FAM53B: variants seen among roughly 807,000 people sequenced by gnomAD.
FAM53B encodes protein FAM53B.
FAM53B carries 12 observed loss-of-function variants against 32.7 expected under a neutral mutation model. The ratio of observed to expected loss-of-function variants is 0.37; its 90% CI spans 0.24 to 0.59. The LOEUF is 0.59. Ranked by LOEUF, FAM53B falls within the 20% of genes least tolerant of loss-of-function variation. The pLI is 0.72. For synonymous variants in FAM53B, 234 were observed against 228.7 expected (o/e 1.02, Z -0.21); for missense variants, 477 against 577.7 (o/e 0.83, Z 1.79).
chr10:124,703,193 C>T (rs1444461237), intron 2 of FAM53B, among the ~76,000 whole-genome samples: 5 of 152,092 alleles, frequency 3.3e-5, no homozygotes, highest in East Asian at 3.9e-4. Flanking sequence ...TACAGGCGCC[C>T]GCCTGCCACC....
chr10:124,740,169 G>A (rs1385780055), intron 1 of FAM53B, among the ~76,000 whole-genome samples: 4 of 152,106 alleles, frequency 2.6e-5, no homozygotes, highest in Admixed American at 6.6e-5. Flanking sequence ...GGATCTCAGA[G>A]AACTTTCTTA....
At chr10:124,667,642 C>T (rs1347850949) in intron 4 of FAM53B, among the ~76,000 whole-genome samples, 5 of 152,340 alleles carry the variant, frequency 3.3e-5, no homozygotes, top group Admixed American at 1.3e-4. Context: ...TCCCCATTCT[C>T]GCACTACAGC....
At chr10:124,723,444 T>C (rs536339662) in intron 1 of FAM53B, among the ~76,000 whole-genome samples, 7 of 152,326 alleles carry the variant, frequency 4.6e-5, no homozygotes, top group Admixed American at 2.0e-4. Context: ...GGTTCCACAG[T>C]AGCAGAGCAT....
chr10:124,691,553 C>T (rs1378633041), intron 3 of FAM53B, among the ~76,000 whole-genome samples: 1 of 152,132 alleles, frequency 6.6e-6, no homozygotes, highest in Non-Finnish European at 1.5e-5. Context: ...TTCCTAGTAG[C>T]CTTTTTAAAA....
intron 3 of FAM53B, among the ~76,000 whole-genome samples, chr10:124,695,160 A>G (rs914159029): frequency 1.2e-4 from 18 of 152,222 alleles, no homozygotes; most frequent in African/African-American, 4.3e-4. Context: ...CTGAGGTCTG[A>G]CCAAAGTAAC....
At chr10:124,668,418 C>A (rs998682881) in intron 4 of FAM53B, among the ~76,000 whole-genome samples, 10 of 152,252 alleles carry the variant, frequency 6.6e-5, no homozygotes, top group Admixed American at 5.2e-4. Flanking sequence ...CAAGACTGTT[C>A]TAGATTACAG....
chr10:124,709,199 G>C (rs894612834), intron 1 of FAM53B, among the ~76,000 whole-genome samples: 1 of 152,236 alleles, frequency 6.6e-6, no homozygotes. Context: ...CATTAACAAG[G>C]GCCTGGCTAT....
intron 1 of FAM53B, among the ~76,000 whole-genome samples, chr10:124,743,736 G>T (rs971801545): frequency 1.3e-5 from 2 of 150,454 alleles, no homozygotes; most frequent in Non-Finnish European, 2.9e-5. Flanking sequence ...CCGCAGCCAG[G>T]CTTGTTCTTC....
chr10:124,623,698 G>A, intron 4 of FAM53B, 94 bp from the exon 5 acceptor site: 1 of 1,410,830 alleles, frequency 7.1e-7, no homozygotes, highest in Non-Finnish European at 9.4e-7. Flanking sequence ...CCACCAGGCT[G>A]TGGCAAGACC....
intron 1 of FAM53B, chr10:124,708,059 G>C (rs1384457827): frequency 6.6e-6 from 1 of 152,152 alleles, no homozygotes; most frequent in Non-Finnish European, 1.5e-5. Context: ...AACCTTCAAA[G>C]AAAGTCACAC....
intron 4 of FAM53B, among the ~76,000 whole-genome samples, chr10:124,645,903 A>C (rs1482859846): frequency 6.6e-6 from 1 of 152,120 alleles, no homozygotes. Context: ...CCTGCCGCCC[A>C]GCTCCACCCC....
Position 124,691,608 on chromosome 10 carries a change from G to C in FAM53B, c.133+4550C>G, listed in dbSNP as rs76773592. On this transcript the variant is annotated intron_variant, in intron 3 of 4. Transcript: ENST00000337318. ...TTTCTTACATATGATGTGATTTCCAGGTCTCCTCCTCGCCTGAGTGCTGAG... is the reference window on the plus strand; with the variant it reads ...TTTCTTACATATGATGTGATTTCCACGTCTCCTCCTCGCCTGAGTGCTGAG... Among the ~76,000 whole-genome samples, 1,124 of 152,214 alleles carry C rather than the reference G, an allele frequency of 7.4e-3. 18 individuals are homozygous for C. The highest frequency in any genetic ancestry group is 0.026 in the African/African-American group (1,060 of 41,530).
rs572781416 is a variant in FAM53B, at chr10:124,625,045, C to A, written c.907-1441G>T. On this transcript the variant is annotated intron_variant, in intron 4 of 4. Transcript: ENST00000337318. ...CACCCGCCGCCTCCCTCGCCGCACG[C>A]CTGCTGACGCCAAGACCACAGACCT... 3.0e-4 allele frequency among the ~76,000 whole-genome samples: 46 copies of A among 152,364 alleles called. 1 individual carries two copies. Among genetic ancestry groups the A allele is most frequent in the Non-Finnish European group, 5.6e-4 (38 of 68,038 alleles).
chr10:124,679,741 C>T (rs1395907537), intron 4 of FAM53B, among the ~76,000 whole-genome samples: 1 of 152,262 alleles, frequency 6.6e-6, no homozygotes, highest in Non-Finnish European at 1.5e-5. Flanking sequence ...GCTCCGCACA[C>T]CTTCCCAGAT....
chr10:124,718,870 A>G lies in FAM53B; in HGVS notation c.-174-11983T>C, dbSNP rs142978709. On this transcript the variant is annotated intron_variant, in intron 1 of 4. Transcript: ENST00000337318. ...CAAGACCAGCTGGGCAACATGGAGAAATCCCCATCTCTATAAAAAATTTAA... is the reference window on the plus strand; with the variant it reads ...CAAGACCAGCTGGGCAACATGGAGAGATCCCCATCTCTATAAAAAATTTAA... 4.6e-4 allele frequency among the ~76,000 whole-genome samples: 70 copies of G among 152,316 alleles called. No individual in the cohort carries two copies. In the East Asian group the frequency reaches 0.013, roughly 28 times the overall value.
intron 2 of FAM53B, among the ~76,000 whole-genome samples, chr10:124,698,062 G>A (rs1399382692): frequency 6.6e-6 from 1 of 152,192 alleles, no homozygotes; most frequent in Non-Finnish European, 1.5e-5. Flanking sequence ...GCCTGTGGAC[G>A]CCAGGCAGGC....
chr10:124,679,064 A>G (rs1420633684), intron 4 of FAM53B, among the ~76,000 whole-genome samples: 1 of 152,204 alleles, frequency 6.6e-6, no homozygotes, highest in African/African-American at 2.4e-5. Context: ...ACAAGAATGC[A>G]CAAGTGGAGC....
intron 1 of FAM53B, among the ~76,000 whole-genome samples, chr10:124,742,002 T>G (rs1336086166): frequency 1.3e-5 from 2 of 152,232 alleles, no homozygotes; most frequent in Admixed American, 1.3e-4. Context: ...TGACTGCACA[T>G]GAATCTCACC....
intron 1 of FAM53B, among the ~76,000 whole-genome samples, chr10:124,737,721 C>A (rs1467438745): frequency 1.3e-5 from 2 of 152,160 alleles, no homozygotes; most frequent in Admixed American, 6.5e-5. Context: ...TGAGTATGTT[C>A]ACAGGAAGAC....
Sources: gnomAD v4.1 joint callset for allele counts (sites outside exome capture counted in the v4.1 genomes callset) on GRCh38, gnomAD v4.1.1 for gene constraint, MANE v1.5 for transcripts, NCBI Gene and HGNC (gene_info 2026-07-23, HGNC 2026-07-21) for gene names.